TRPM3: variants seen among roughly 807,000 people sequenced by gnomAD.
The protein encoded by TRPM3 is transient receptor potential cation channel subfamily M member 3.
TRPM3 carries 77 observed loss-of-function variants against 181.2 expected under a neutral mutation model. The observed-to-expected ratio is 0.42, with a 90% CI of 0.35 to 0.51. The LOEUF (loss-of-function observed/expected upper bound fraction) is 0.51. Ranked by LOEUF, TRPM3 falls within the 20% of genes least tolerant of loss-of-function variation. The pLI is 0.01. For missense variants in TRPM3, 1,759 were observed against 2,196.7 expected (o/e 0.80, Z 3.98); for synonymous variants, 745 against 796.4 (o/e 0.94, Z 1.09).
chr9:70,853,545 G>T (rs1425110730), intron 3 of TRPM3, among the ~76,000 whole-genome samples: 1 of 152,212 alleles, frequency 6.6e-6, no homozygotes, highest in African/African-American at 2.4e-5. Context: ...TCCAAAGGAA[G>T]ATTTAGGAAG....
At chr9:70,822,759 TTGTGTGTGTGTG>T (rs113090222) in intron 6 of TRPM3, among the ~76,000 whole-genome samples, 1 of 147,092 alleles carries the variant, frequency 6.8e-6, no homozygotes, top group African/African-American at 2.5e-5. Context: ...AAGATTTGTC[TTGTGTGTGTGTG>T]TGTGTGTGTG....
At chr9:70,910,183 A>ATGCT (rs1227839933) in intron 1 of TRPM3, among the ~76,000 whole-genome samples, 7 of 152,244 alleles carry the variant, frequency 4.6e-5, no homozygotes, top group Non-Finnish European at 7.3e-5. Flanking sequence ...AAATTGTGGC[A>ATGCT]TGCTTACACA....
chr9:70,757,592 AAT>A (rs1171577378), intron 8 of TRPM3, among the ~76,000 whole-genome samples: 1 of 152,188 alleles, frequency 6.6e-6, no homozygotes, highest in Non-Finnish European at 1.5e-5. Context: ...TCCTCAATAA[AAT>A]ACTGGCAAAT....
chr9:70,852,128 C>CA (rs35682319), intron 3 of TRPM3, among the ~76,000 whole-genome samples: 1,517 of 44,986 alleles, frequency 0.034, 67 homozygotes, highest in African/African-American at 0.082. Context: ...ACTCTATCTC[C>CA]AAAAAAAAAA....
chr9:70,626,135 C>T (rs1016496975), intron 12 of TRPM3, among the ~76,000 whole-genome samples: 1 of 152,152 alleles, frequency 6.6e-6, no homozygotes, highest in Non-Finnish European at 1.5e-5. Flanking sequence ...GCCATCTATA[C>T]ATGCAAAAAT....
chr9:70,863,037 A>T lies in TRPM3; in HGVS notation c.333T>A (p.Asn111Lys). The T allele has an allele frequency of 6.2e-7, 1 of 1,613,522 alleles. No homozygotes were observed. Among genetic ancestry groups the T allele is most frequent in the Non-Finnish European group, 8.5e-7 (1 of 1,179,706 alleles). The change falls in exon 3 of 26, where the codon AAT becomes AAA. Residue 111 changes from asparagine (N) to lysine (K), a missense_variant. Coordinates refer to ENST00000677713, the MANE Select transcript of TRPM3 (RefSeq NM_001366145.2). ...TGTCATTTCGGGAGAGGCGACTTTCATTTTTCTCATTCTGAAGCACGGAGA... is the reference window on the plus strand; with the variant it reads ...TGTCATTTCGGGAGAGGCGACTTTCTTTTTTCTCATTCTGAAGCACGGAGA... The part of the protein sequence containing the change: ...PSISVLQNEK[N>K]ESRLSRNDIQ...
chr9:70,910,165 A>T (rs1272188422), intron 1 of TRPM3, among the ~76,000 whole-genome samples: 1 of 152,236 alleles, frequency 6.6e-6, no homozygotes, highest in Non-Finnish European at 1.5e-5. Flanking sequence ...TATCAATAAT[A>T]GATCATTAAA....
intron 1 of TRPM3, among the ~76,000 whole-genome samples, chr9:71,252,671 G>T (rs925741930): frequency 5.9e-5 from 9 of 151,934 alleles, no homozygotes; most frequent in African/African-American, 2.2e-4. Context: ...ATAATAGAAA[G>T]ACTTTTTCTT....
At position 71,105,432 on chromosome 9, in the gene TRPM3, G is replaced by A. The variant is rs570102260; in HGVS notation, c.177+15746C>T. On this transcript the variant is annotated intron_variant, in intron 1 of 25. Coordinates refer to ENST00000677713, the MANE Select transcript of TRPM3 (RefSeq NM_001366145.2). ...CCAGGGTGGTTAGGAGGCAGAAGAC[G>A]GGAGCTACAGGACAGCTTAGACCCC... Among the ~76,000 whole-genome samples the A allele has an allele frequency of 5.3e-5, 8 of 152,284 alleles. No individual in the cohort carries two copies. In the East Asian group the frequency reaches 1.4e-3, roughly 26 times the overall value.
At chr9:70,872,070 A>G (rs1052426948) in intron 1 of TRPM3, among the ~76,000 whole-genome samples, 2 of 151,990 alleles carry the variant, frequency 1.3e-5, no homozygotes, top group Admixed American at 6.6e-5. Flanking sequence ...GCATCAACTA[A>G]AGAGCATGAT....
At chr9:70,618,274 G>A (rs912565877) in intron 17 of TRPM3, among the ~76,000 whole-genome samples, 2 of 152,104 alleles carry the variant, frequency 1.3e-5, no homozygotes, top group African/African-American at 4.8e-5. Context: ...ATTTTTATAG[G>A]ATAATTTATA....
At chr9:71,372,442 C>T (rs1039559109) in intron 1 of TRPM3, among the ~76,000 whole-genome samples, 47 of 152,280 alleles carry the variant, frequency 3.1e-4, no homozygotes, top group African/African-American at 1.1e-3. Context: ...AATTTACACT[C>T]CCACCAACAG....
chr9:71,316,217 C>T (rs1230784101), intron 1 of TRPM3, among the ~76,000 whole-genome samples: 2 of 152,162 alleles, frequency 1.3e-5, no homozygotes, highest in African/African-American at 2.4e-5. Flanking sequence ...CCAACGTCTA[C>T]TTTTCTGTTG....
chr9:71,444,586 A>G (rs1256459748), intron 1 of TRPM3, among the ~76,000 whole-genome samples: 1 of 152,232 alleles, frequency 6.6e-6, no homozygotes, highest in Admixed American at 6.5e-5. Flanking sequence ...TTTAATCTTT[A>G]CAGGTTAGGC....
At chr9:71,023,026 T>G (rs2097859216) in intron 1 of TRPM3, among the ~76,000 whole-genome samples, 1 of 152,120 alleles carries the variant, frequency 6.6e-6, no homozygotes, top group African/African-American at 2.4e-5. Context: ...AACATTTTTC[T>G]TCTTTAAAAA....
At chr9:71,063,728 T>A (rs1408451381) in intron 1 of TRPM3, among the ~76,000 whole-genome samples, 2 of 152,014 alleles carry the variant, frequency 1.3e-5, no homozygotes, top group Non-Finnish European at 2.9e-5. Flanking sequence ...AAGCTGGAAA[T>A]GTAGACTGAG....
At chr9:71,129,627 A>G (rs1708117602) in intron 1 of TRPM3, among the ~76,000 whole-genome samples, 1 of 152,216 alleles carries the variant, frequency 6.6e-6, no homozygotes, top group South Asian at 2.1e-4. Flanking sequence ...ATTCAGGTCT[A>G]TCTTATTCTA....
chr9:71,434,975 T>C (rs1314479885), intron 1 of TRPM3, among the ~76,000 whole-genome samples: 1 of 152,166 alleles, frequency 6.6e-6, no homozygotes, highest in Non-Finnish European at 1.5e-5. Flanking sequence ...TCTCATTCAT[T>C]GAGAAGAAAA....
At position 70,761,726 on chromosome 9, in the gene TRPM3, T is replaced by A. The variant is rs1256862481; in HGVS notation, c.1149-2A>T. 6.2e-7 allele frequency: 1 copy of A among 1,607,402 alleles called. No homozygotes were observed. The highest frequency in any genetic ancestry group is 8.5e-7 in the Non-Finnish European group (1 of 1,175,274). ...TCCCTCAAAGATTCATTTATCAGTC[T>A]GCAAGTAAAAACAATGTCAAAAGCA... On this transcript the variant is annotated splice_acceptor_variant, in intron 7 of 25. Transcript: ENST00000677713. LOFTEE classifies it high-confidence loss of function.
Sources: gnomAD v4.1 joint callset for allele counts (sites outside exome capture counted in the v4.1 genomes callset) on GRCh38, gnomAD v4.1.1 for gene constraint, MANE v1.5 for transcripts, NCBI Gene and HGNC (gene_info 2026-07-23, HGNC 2026-07-21) for gene names.